PGAM5: variants seen among roughly 807,000 people sequenced by gnomAD.
PGAM5 encodes the protein PGAM family member 5, mitochondrial serine/threonine protein phosphatase.
In PGAM5, 25 loss-of-function variants were observed where a neutral mutation model predicts 30.6. That is an observed-to-expected ratio of 0.82 (90% CI 0.60 to 1.14). The LOEUF (loss-of-function observed/expected upper bound fraction) is 1.14. PGAM5 is among the 50% of genes most tolerant of loss of function. The pLI is 0.00. For synonymous variants in PGAM5, 201 were observed against 179.1 expected (o/e 1.12, Z -0.98); for missense variants, 384 against 408.5 (o/e 0.94, Z 0.52).
rs79632743 is a variant in PGAM5 at position 132,717,577 on chromosome 12, C to T, written c.496+13C>T. The T allele has an allele frequency of 0.011, 18,498 of 1,609,706 alleles. 151 individuals are homozygous for T. The highest frequency in any genetic ancestry group is 0.014 in the Non-Finnish European group (16,795 of 1,179,228). On this transcript the variant is annotated intron_variant, in intron 3 of 5. Transcript: ENST00000498926. ...CGGCACCTGCCAGGTGAGTGCTGCG[C>T]GCGGGGCCTCCATGCTTGCAGCAGT...
At chr12:132,717,836 C>A in intron 4 of PGAM5, 38 bp downstream of exon 4, 2 of 1,580,494 alleles carry the variant, frequency 1.3e-6, no homozygotes, top group Non-Finnish European at 1.7e-6. Context: ...GTCACCCTCG[C>A]CTTCCCTGGG....
At chr12:132,716,389 T>A (rs1206329763) in intron 2 of PGAM5, among the ~76,000 whole-genome samples, 1 of 147,100 alleles carries the variant, frequency 6.8e-6, no homozygotes, top group African/African-American at 2.5e-5. Flanking sequence ...CCAGCCTAAT[T>A]TTTTTTTTTT....
chr12:132,717,693 G>GCTGTGCTTCT lies in PGAM5; in HGVS notation c.497-13_497-4dup. On this transcript the variant is annotated splice_polypyrimidine_tract_variant and intron_variant, in intron 3 of 5. Coordinates refer to ENST00000498926, the MANE Select transcript of PGAM5 (RefSeq NM_001170543.2). ...GCGGGGCCGCCTCACCCAGCGCTTC[G>GCTGTGCTTCT]CTGTGCTTCTCTGCAGGCGTCTGCA... is the stretch of plus-strand genomic sequence containing the variant. 6.4e-7 allele frequency: 1 copy of GCTGTGCTTCT among 1,566,660 alleles called. No homozygotes were observed. Among genetic ancestry groups the GCTGTGCTTCT allele is most frequent in the Non-Finnish European group, 8.7e-7 (1 of 1,155,288 alleles).
intron 5 of PGAM5, chr12:132,718,832 T>C (rs976440613): frequency 6.2e-7 from 1 of 1,613,216 alleles, no homozygotes. Flanking sequence ...TGCTGATCTG[T>C]GGGCGCTCCC....
intron 2 of PGAM5, among the ~76,000 whole-genome samples, chr12:132,716,229 G>T (rs1315144636): frequency 1.3e-5 from 2 of 152,080 alleles, no homozygotes; most frequent in Non-Finnish European, 2.9e-5. Flanking sequence ...GGGACTACAG[G>T]CACACGCTGC....
chr12:132,717,354 G>C (rs1467375999), intron 2 of PGAM5, 85 bp from the exon 3 acceptor site: 1 of 1,427,236 alleles, frequency 7.0e-7, no homozygotes, highest in Non-Finnish European at 9.4e-7. Context: ...GGGTGGAGGA[G>C]GGCGTGTTTG....
chr12:132,714,258 T>C (rs1482987240), intron 1 of PGAM5, among the ~76,000 whole-genome samples: 16 of 152,202 alleles, frequency 1.1e-4, no homozygotes, highest in Admixed American at 1.0e-3. Context: ...CCTCAGTTGA[T>C]CTGGCCACCT....
rs1236013803 is a variant in PGAM5, at chr12:132,718,042, G to A, written c.641G>A (p.Arg214His). ...IEAAFRNYIH[R>H]ADARQEEDSY... ...GCCGCCTTCCGGAACTACATCCACC[G>A]CGCAGATGCCAGGCAGGAGGAGGAC... Residue 214 changes from arginine to histidine, a missense_variant, in exon 5 of 6, where the codon CGC becomes CAC. Coordinates refer to ENST00000498926, the MANE Select transcript of PGAM5 (RefSeq NM_001170543.2). 5 of 1,612,830 alleles carry A rather than the reference G, an allele frequency of 3.1e-6. No homozygotes were observed. Among genetic ancestry groups the A allele is most frequent in the South Asian group, 1.1e-5 (1 of 91,086 alleles).
intron 5 of PGAM5, chr12:132,718,952 A>G: frequency 6.6e-7 from 1 of 1,515,740 alleles, no homozygotes; most frequent in Non-Finnish European, 8.8e-7. Flanking sequence ...TTGTCCCTCA[A>G]CCTGCTCTGG....
rs1409015057 is a variant in PGAM5, at chr12:132,722,052, T to C, written c.*1224T>C. The C allele has an allele frequency of 1.3e-5, 2 of 152,086 alleles. No individual in the cohort carries two copies. Among genetic ancestry groups the C allele is most frequent in the Non-Finnish European group, 2.9e-5 (2 of 68,042 alleles). The allele number at this position is 152,086 out of a possible 1,614,324, so 9.4% of individuals were successfully genotyped here. A position where few individuals can be genotyped will look rare whatever the true frequency, so the allele number is the denominator to read the frequency against. On this transcript the variant is annotated 3_prime_UTR_variant, in exon 6 of 6. Transcript: ENST00000498926. The stretch of plus-strand genomic sequence containing the variant: ...CTAGCCAGCTGCACAGGTGACTGGA[T>C]GGGGGAGGGGCAGGTGAGGTGGGTC...
intron 1 of PGAM5, 46 bp from the exon 2 acceptor site, chr12:132,714,812 C>A: frequency 6.3e-7 from 1 of 1,590,042 alleles, no homozygotes. Context: ...AAAACTCAAA[C>A]TTGGGAACAG....
intron 5 of PGAM5, among the ~76,000 whole-genome samples, chr12:132,720,177 G>A (rs902030266): frequency 1.4e-5 from 2 of 138,822 alleles, no homozygotes; most frequent in South Asian, 2.4e-4. Context: ...GGAGCGGCTC[G>A]GCTGATGTGT....
Position 132,711,087 on chromosome 12 carries a change from G to C in PGAM5, c.191+20G>C. The C allele has an allele frequency of 8.3e-7, 1 of 1,207,200 alleles. No individual in the cohort carries two copies. The highest frequency in any genetic ancestry group is 1.0e-6 in the Non-Finnish European group (1 of 971,434). The allele number at this position is 1,207,200 out of a possible 1,614,324, so 74.8% of individuals were successfully genotyped here. On this transcript the variant is annotated intron_variant, in intron 1 of 5. Coordinates refer to ENST00000498926, the MANE Select transcript of PGAM5 (RefSeq NM_001170543.2). The stretch of plus-strand genomic sequence containing the variant: ...GGACAGGTGCGCGCGGGGCTGTTTG[G>C]GGCCGGGGTCGGGATGGGGGTCAGG...
In PGAM5 at chr12:132,722,674, A is replaced by G. The variant is rs922666462; in HGVS notation, c.*1846A>G. The G allele has an allele frequency of 6.6e-6, 1 of 152,138 alleles. No individual in the cohort carries two copies. Among genetic ancestry groups the G allele is most frequent in the African/African-American group, 2.4e-5 (1 of 41,410 alleles). The allele number at this position is 152,138 out of a possible 1,614,324, so 9.4% of individuals were successfully genotyped here. On this transcript the variant is annotated 3_prime_UTR_variant, in exon 6 of 6. Coordinates refer to ENST00000498926, the MANE Select transcript of PGAM5 (RefSeq NM_001170543.2). ...TCAATACAGTTGGGATATCTGATCT[A>G]TTTCTCTGTCTACTTTGGAAATGAT...
chr12:132,720,146 G>A lies in PGAM5; in HGVS notation c.720-532G>A, dbSNP rs1034579335. ...CGTCGATCCCAGCCAGATCTTCCCC[G>A]AGAAGCCCCGACTGAAGACAGGAGC... is the stretch of plus-strand genomic sequence containing the variant. On this transcript the variant is annotated intron_variant, in intron 5 of 5. Coordinates refer to ENST00000498926, the MANE Select transcript of PGAM5 (RefSeq NM_001170543.2). 1.1e-4 allele frequency among the ~76,000 whole-genome samples: 5 copies of A among 43,690 alleles called. No individual in the cohort carries two copies. In the East Asian group the frequency reaches 6.4e-3, roughly 56 times the overall value. The allele number at this position is 43,690 out of a possible 152,430, so 28.7% of individuals were successfully genotyped here. A position where few individuals can be genotyped will look rare whatever the true frequency, so the allele number is the denominator to read the frequency against.
At chr12:132,714,760 T>C in intron 1 of PGAM5, 98 bp from the exon 2 acceptor site, 1 of 1,415,824 alleles carries the variant, frequency 7.1e-7, no homozygotes. Flanking sequence ...CTCCATGCTC[T>C]TCCCAAATAG....
At chr12:132,713,100 C>T (rs1426435556) in intron 1 of PGAM5, among the ~76,000 whole-genome samples, 2 of 152,090 alleles carry the variant, frequency 1.3e-5, no homozygotes, top group African/African-American at 2.4e-5. Flanking sequence ...GTGGAGGCTG[C>T]AGTGAGCCCA....
Position 132,711,037 on chromosome 12 carries a change from G to T in PGAM5, c.161G>T (p.Gly54Val). Residue 54 changes from glycine to valine, a missense_variant, in exon 1 of 6, where the codon GGC becomes GTC. Transcript: ENST00000498926. Reference protein sequence around the residue: ...PPAWAGGARPGPGVWDPNWDR... With the variant: ...PPAWAGGARPVPGVWDPNWDR... ...GCCTGGGCGGGGGGCGCGCGGCCGG[G>T]CCCCGGTGTCTGGGACCCCAACTGG... The T allele has an allele frequency of 8.2e-7, 1 of 1,213,976 alleles. No homozygotes were observed. Among genetic ancestry groups the T allele is most frequent in the Non-Finnish European group, 1.0e-6 (1 of 976,450 alleles). The allele number at this position is 1,213,976 out of a possible 1,614,324, so 75.2% of individuals were successfully genotyped here. A position where few individuals can be genotyped will look rare whatever the true frequency, so the allele number is the denominator to read the frequency against.
At chr12:132,718,648 G>A (rs1465350024) in intron 5 of PGAM5, 17 of 1,145,012 alleles carry the variant, frequency 1.5e-5, no homozygotes, top group South Asian at 3.7e-5. Context: ...TCCTGGGTAC[G>A]GTGCATGCTG....
Sources: gnomAD v4.1 joint callset for allele counts (sites outside exome capture counted in the v4.1 genomes callset) on GRCh38, gnomAD v4.1.1 for gene constraint, MANE v1.5 for transcripts, NCBI Gene and HGNC (gene_info 2026-07-23, HGNC 2026-07-21) for gene names.